Variants in DOCK5 observed in about 807,000 individuals in gnomAD.
The protein encoded by DOCK5 is dedicator of cytokinesis protein 5.
DOCK5 carries 142 observed loss-of-function variants against 251.8 expected under a neutral mutation model. The ratio of observed to expected loss-of-function variants is 0.56; its 90% confidence interval spans 0.49 to 0.65. The LOEUF (loss-of-function observed/expected upper bound fraction) is 0.65, where lower values mean the gene tolerates loss of function less well. Ranked by LOEUF, DOCK5 falls within the 30% of genes least tolerant of loss-of-function variation. The pLI, the probability that DOCK5 is intolerant of heterozygous loss-of-function variation, is 0.00. For synonymous variants in DOCK5, 842 were observed against 835.5 expected (o/e 1.01, Z -0.13); for missense variants, 2,111 against 2,312.3 (o/e 0.91, Z 1.79).
At chr8:25,321,627 C>T (rs1490745933) in intron 16 of DOCK5, among the ~76,000 whole-genome samples, 1 of 152,094 alleles carries the variant, frequency 6.6e-6, no homozygotes, top group Non-Finnish European at 1.5e-5. Flanking sequence ...GCTGATCCAA[C>T]AGGAGGCGGA....
At chr8:25,291,796 C>G (rs766699546) in intron 5 of DOCK5, among the ~76,000 whole-genome samples, 2 of 149,896 alleles carry the variant, frequency 1.3e-5, no homozygotes, top group Non-Finnish European at 3.0e-5. Flanking sequence ...CTACTTGAAC[C>G]CAGGAGGCAG....
chr8:25,353,197 A>C (rs1586354446), intron 27 of DOCK5, among the ~76,000 whole-genome samples: 1 of 152,154 alleles, frequency 6.6e-6, no homozygotes, highest in East Asian at 1.9e-4. Flanking sequence ...AAAATTAGCC[A>C]GGTGCAGTGA....
At chr8:25,377,509 G>C in intron 38 of DOCK5, 85 bp downstream of exon 38, 1 of 1,468,730 alleles carries the variant, frequency 6.8e-7, no homozygotes, top group Non-Finnish European at 9.1e-7. Flanking sequence ...ACCACTTGGA[G>C]TTAGCACTGA....
At chr8:25,359,463 A>G (rs1482150644) in intron 28 of DOCK5, among the ~76,000 whole-genome samples, 1 of 152,206 alleles carries the variant, frequency 6.6e-6, no homozygotes, top group African/African-American at 2.4e-5. Flanking sequence ...GGAGAGGGCA[A>G]CAAAAAGAGG....
intron 1 of DOCK5, among the ~76,000 whole-genome samples, chr8:25,207,395 G>A (rs1346482228): frequency 6.6e-6 from 1 of 152,216 alleles, no homozygotes; most frequent in Non-Finnish European, 1.5e-5. Flanking sequence ...AGAAGATGCT[G>A]TCTAGTACTT....
intron 40 of DOCK5, chr8:25,388,663 G>C (rs2248997): frequency 0.53 from 87,981 of 165,574 alleles, 25,526 homozygotes; most frequent in Middle Eastern, 0.63. Context: ...GTTGCTGGAT[G>C]GTGATGAGAT....
chr8:25,407,149 CAT>C (rs1176227574), intron 48 of DOCK5, among the ~76,000 whole-genome samples: 1 of 151,980 alleles, frequency 6.6e-6, no homozygotes, highest in African/African-American at 2.4e-5. Flanking sequence ...CTATAGCAAA[CAT>C]ATTTGGACAT....
intron 1 of DOCK5, among the ~76,000 whole-genome samples, chr8:25,207,633 A>G (rs1007484730): frequency 2.0e-5 from 3 of 152,230 alleles, no homozygotes; most frequent in African/African-American, 7.2e-5. Flanking sequence ...TTTACTGACT[A>G]TTTTAAGCCT....
intron 1 of DOCK5, among the ~76,000 whole-genome samples, chr8:25,222,170 T>G (rs1383509001): frequency 6.6e-6 from 1 of 152,210 alleles, no homozygotes; most frequent in Non-Finnish European, 1.5e-5. Flanking sequence ...GATAGAACAA[T>G]GCTCTCCCCA....
chr8:25,299,005 G>A lies in DOCK5; in HGVS notation c.668G>A (p.Gly223Asp). 5 of 1,613,784 alleles carry A rather than the reference G, an allele frequency of 3.1e-6. No homozygotes were observed. The highest frequency in any genetic ancestry group is 4.2e-6 in the Non-Finnish European group (5 of 1,179,842). Reference protein sequence around the residue: ...QSIFSTIHTYGLYVNFKNFVC... With the variant: ...QSIFSTIHTYDLYVNFKNFVC... ...ATCTTCAGTACCATCCACACCTATG[G>A]CCTCTATGTGAACTTCAAGAACTTT... Residue 223 changes from glycine to aspartate, a missense_variant, in exon 8 of 52, where the codon GGC (glycine) becomes GAC (aspartate). By Grantham distance (94) the Gly-to-Asp change is moderately conservative. Coordinates refer to ENST00000276440, the MANE Select transcript of DOCK5 (RefSeq NM_024940.8).
chr8:25,389,249 G>T lies in DOCK5; in HGVS notation c.4273+17G>T, dbSNP rs372936469. 8 of 1,610,826 alleles carry T rather than the reference G, an allele frequency of 5.0e-6. No homozygotes were observed. In the South Asian group the frequency reaches 7.7e-5, roughly 15 times the overall value. ...CCAAGCAGTGTATCCTTTCCGGGGG[G>T]AGTATGGCCCCGAGGCTCTTATGGC... On this transcript the variant is annotated intron_variant, in intron 41 of 51. Coordinates refer to ENST00000276440, the MANE Select transcript of DOCK5 (RefSeq NM_024940.8).
At chr8:25,283,206 C>A (rs1210019302) in intron 5 of DOCK5, among the ~76,000 whole-genome samples, 2 of 152,084 alleles carry the variant, frequency 1.3e-5, no homozygotes, top group Non-Finnish European at 2.9e-5. Flanking sequence ...ACAGATGACT[C>A]CCCCCGTGGT....
intron 1 of DOCK5, among the ~76,000 whole-genome samples, chr8:25,217,190 A>T (rs961448329): frequency 6.7e-6 from 1 of 148,918 alleles, no homozygotes; most frequent in African/African-American, 2.5e-5. Context: ...AGAGAGAGAT[A>T]TATATATATA....
In DOCK5 at chr8:25,189,874, G is replaced by A. The variant is rs954732578; in HGVS notation, c.43+4923G>A. 2.6e-5 allele frequency among the ~76,000 whole-genome samples: 4 copies of A among 152,194 alleles called. No homozygotes were observed. The East Asian group carries it at 7.7e-4, about 29-fold the overall frequency. On this transcript the variant is annotated intron_variant, in intron 1 of 51. Coordinates refer to ENST00000276440, the MANE Select transcript of DOCK5 (RefSeq NM_024940.8). ...CTGACTTCAGACTTGGGCTTTTGTT[G>A]TGTTTTTGTTTGCTTATTTGTTTGT...
At chr8:25,281,947 T>C (rs1029851679) in intron 5 of DOCK5, among the ~76,000 whole-genome samples, 20 of 151,884 alleles carry the variant, frequency 1.3e-4, no homozygotes, top group African/African-American at 4.6e-4. Flanking sequence ...CTCATTTTAA[T>C]TTAGATATCT....
At chr8:25,335,643 G>A (rs1203902483) in intron 21 of DOCK5, among the ~76,000 whole-genome samples, 1 of 151,946 alleles carries the variant, frequency 6.6e-6, no homozygotes, top group African/African-American at 2.4e-5. Flanking sequence ...AAAGTCTAAG[G>A]GATAGCACAA....
intron 20 of DOCK5, among the ~76,000 whole-genome samples, 199 bp downstream of exon 20, chr8:25,332,891 T>G (rs1805714562): frequency 6.6e-6 from 1 of 152,226 alleles, no homozygotes; most frequent in South Asian, 2.1e-4. Flanking sequence ...TTGTTTCCTG[T>G]TAGGTCTCAT....
At chr8:25,278,492 T>TGAGATG in intron 4 of DOCK5, 77 bp from the exon 5 acceptor site, 1 of 1,414,538 alleles carries the variant, frequency 7.1e-7, no homozygotes. Flanking sequence ...CCTTGAACGT[T>TGAGATG]GGGAAGTCTG....
At chr8:25,205,487 A>G (rs1801980842) in intron 1 of DOCK5, among the ~76,000 whole-genome samples, 1 of 152,244 alleles carries the variant, frequency 6.6e-6, no homozygotes, top group Non-Finnish European at 1.5e-5. Flanking sequence ...TGACTGAGAC[A>G]CAGGGAGTTG....
Sources: gnomAD v4.1 joint callset for allele counts (sites outside exome capture counted in the v4.1 genomes callset) on GRCh38, gnomAD v4.1.1 for gene constraint, MANE v1.5 for transcripts, NCBI Gene and HGNC (gene_info 2026-07-23, HGNC 2026-07-21) for gene names.